Variants in SKA1 observed in about 807,000 individuals in gnomAD.
SKA1 encodes SKA complex subunit 1.
Under a neutral mutation model 31.8 loss-of-function variants are expected in SKA1, and 20 were observed. The ratio of observed to expected loss-of-function variants is 0.63; its 90% confidence interval spans 0.44 to 0.91. The LOEUF is 0.91. Among genes scored for constraint, SKA1 ranks in the 40% least tolerant of loss-of-function variants. The pLI is 0.00. For synonymous variants in SKA1, 88 were observed against 100.5 expected, an observed-to-expected ratio of 0.88 and a Z score of 0.74; for missense variants, 253 against 298.2, an observed-to-expected ratio of 0.85 and a Z score of 1.12.
At chr18:50,386,438 T>G (rs894181503) in intron 5 of SKA1, among the ~76,000 whole-genome samples, 5 of 152,188 alleles carry the variant, frequency 3.3e-5, no homozygotes, top group Admixed American at 3.3e-4. Flanking sequence ...TTTGTTAGAT[T>G]TACAGAAAAA....
intron 4 of SKA1, among the ~76,000 whole-genome samples, chr18:50,384,851 T>A (rs1599727990): frequency 2.0e-4 from 6 of 29,562 alleles, no homozygotes; most frequent in Admixed American, 5.0e-4. Context: ...AAACTTAGAG[T>A]ATAATAAAAA....
rs1169724618 is a variant in SKA1 at position 50,375,860 on chromosome 18, C to A, written c.30C>A (p.Cys10Ter). The A allele has an allele frequency of 1.9e-6, 3 of 1,611,098 alleles. No individual in the cohort carries two copies. Among genetic ancestry groups the A allele is most frequent in the East Asian group, 2.2e-5 (1 of 44,812 alleles). The change falls in exon 2 of 7, where the codon TGC (cysteine) becomes TGA (stop). Residue 10 changes from cysteine to a stop codon, truncating the protein, a stop_gained. Transcript: ENST00000285116. LOFTEE classifies it high-confidence loss of function. ...CCTCGTCAGATCTGGAACAATTATG[C>A]TCTCATGTTAATGAAAAGATTGGCA... MASSDLEQL[C>*]SHVNEKIGNI...
chr18:50,379,442 A>G (rs2041246709), intron 2 of SKA1, among the ~76,000 whole-genome samples: 1 of 152,116 alleles, frequency 6.6e-6, no homozygotes, highest in Admixed American at 6.5e-5. Context: ...ATTCTGAAAG[A>G]GAGTTTCACC....
chr18:50,385,354 G>C lies in SKA1; in HGVS notation c.449+1G>C. 6.3e-7 allele frequency: 1 copy of C among 1,597,090 alleles called. No homozygotes were observed. The highest frequency in any genetic ancestry group is 8.5e-7 in the Non-Finnish European group (1 of 1,172,378). On this transcript the variant is annotated splice_donor_variant, in intron 5 of 6. Coordinates refer to ENST00000285116, the MANE Select transcript of SKA1 (RefSeq NM_145060.4). LOFTEE classifies it high-confidence loss of function. The stretch of plus-strand genomic sequence containing the variant: ...GTGATGAGTTCAATGGTGTTCCTTC[G>C]TAAGTATTTAAGATAAATAATGTTC...
intron 2 of SKA1, 104 bp from the exon 3 acceptor site, chr18:50,380,022 C>A: frequency 1.0e-6 from 1 of 957,700 alleles, no homozygotes; most frequent in Non-Finnish European, 1.5e-6. Flanking sequence ...CCTTTTTCCA[C>A]CCCTCTCTAA....
intron 4 of SKA1, among the ~76,000 whole-genome samples, chr18:50,382,436 C>T (rs1014781241): frequency 1.3e-5 from 2 of 152,110 alleles, no homozygotes; most frequent in Admixed American, 1.3e-4. Context: ...CCCAGTTTGC[C>T]AAGGGCAAGT....
chr18:50,376,662 A>C (rs1474318309), intron 2 of SKA1, among the ~76,000 whole-genome samples: 1 of 152,192 alleles, frequency 6.6e-6, no homozygotes, highest in Non-Finnish European at 1.5e-5. Context: ...AACTTTCTTC[A>C]ATAATACATT....
intron 4 of SKA1, among the ~76,000 whole-genome samples, chr18:50,384,193 C>T (rs557371193): frequency 1.3e-5 from 2 of 152,164 alleles, no homozygotes; most frequent in Non-Finnish European, 2.9e-5. Context: ...TGTAATTTAC[C>T]ATTCAGATAA....
chr18:50,383,214 T>C (rs1023390247), intron 4 of SKA1, among the ~76,000 whole-genome samples: 1 of 152,170 alleles, frequency 6.6e-6, no homozygotes, highest in African/African-American at 2.4e-5. Flanking sequence ...TTGAAGGTCA[T>C]GAAGAGGTCA....
intron 2 of SKA1, 31 bp from the exon 3 acceptor site, chr18:50,380,095 T>G: frequency 6.8e-7 from 1 of 1,468,820 alleles, no homozygotes; most frequent in Non-Finnish European, 9.0e-7. Context: ...TCTATACACT[T>G]TGTTTTCTAT....
chr18:50,392,838 TC>T lies in SKA1; in HGVS notation c.*593del, dbSNP rs2041370394. 1 of 150,328 alleles carries T rather than the reference TC, an allele frequency of 6.7e-6. No homozygotes were observed. Among genetic ancestry groups the T allele is most frequent in the African/African-American group, 2.4e-5 (1 of 40,874 alleles). 9.3% of individuals were successfully genotyped at this position (150,328 alleles called of 1,614,324 possible). On this transcript the variant is annotated 3_prime_UTR_variant, in exon 7 of 7. Coordinates refer to ENST00000285116, the MANE Select transcript of SKA1 (RefSeq NM_145060.4). ...TCTGCCTCCCAGGTTCACGCCATCC[TC>T]CTGCCTCAGCCTCCTGAGTAGCTGG...
At chr18:50,381,722 G>GTT (rs1568328805) in intron 3 of SKA1, among the ~76,000 whole-genome samples, 1 of 125,880 alleles carries the variant, frequency 7.9e-6, no homozygotes, top group Non-Finnish European at 1.6e-5. Flanking sequence ...CAGTCAATGT[G>GTT]GTTTTTTTTT....
At chr18:50,381,446 G>A (rs1460861358) in intron 3 of SKA1, among the ~76,000 whole-genome samples, 1 of 152,148 alleles carries the variant, frequency 6.6e-6, no homozygotes, top group Non-Finnish European at 1.5e-5. Flanking sequence ...TAACACTGGG[G>A]AGCATTTGGT....
In SKA1 at chr18:50,385,216, T is replaced by C. The variant is rs760473845; in HGVS notation, c.312T>C (p.Cys104=). The change falls in exon 5 of 7, where the codon TGT becomes TGC. Residue 104 remains cysteine, a splice_region_variant and synonymous_variant. Transcript: ENST00000285116. ...HLPQVTVTQS[C]VKGSDLDPEE... ...ATGTATGTACATCTGTATTCTGTAGTGTTAAGGGATCAGATCTTGATCCTG... is the reference window on the plus strand; with the variant it reads ...ATGTATGTACATCTGTATTCTGTAGCGTTAAGGGATCAGATCTTGATCCTG... 4 of 1,611,274 alleles carry C rather than the reference T, an allele frequency of 2.5e-6. No individual in the cohort carries two copies. In the South Asian group the frequency reaches 4.4e-5, roughly 18 times the overall value.
chr18:50,383,034 A>AAAAT (rs146272081), intron 4 of SKA1, among the ~76,000 whole-genome samples: 2 of 151,818 alleles, frequency 1.3e-5, no homozygotes, highest in Non-Finnish European at 2.9e-5. Flanking sequence ...ACCCTGCCTC[A>AAAAT]AAATAAATAA....
Position 50,382,154 on chromosome 18 carries a change from A to G in SKA1, c.239A>G (p.Asp80Gly). 1 of 1,544,948 alleles carries G rather than the reference A, an allele frequency of 6.5e-7. No individual in the cohort carries two copies. Among genetic ancestry groups the G allele is most frequent in the South Asian group, 1.3e-5 (1 of 79,324 alleles). Residue 80 changes from aspartate (D) to glycine (G), a missense_variant, in exon 4 of 7, where the codon GAT becomes GGT. Coordinates refer to ENST00000285116, the MANE Select transcript of SKA1 (RefSeq NM_145060.4). ...LKELCESLEE[D>G]YKDIEHLKEN... ...GAACTCTGTGAATCTCTTGAAGAAG[A>G]TTACAAAGACATAGAACATCTTAAA...
In SKA1 at chr18:50,393,593, G is replaced by A. The variant is rs1185248350; in HGVS notation, c.*1346G>A. 6.6e-6 allele frequency: 1 copy of A among 152,134 alleles called. No homozygotes were observed. The highest frequency in any genetic ancestry group is 1.9e-4 in the East Asian group (1 of 5,190). The allele number at this position is 152,134 out of a possible 1,614,324, so 9.4% of individuals were successfully genotyped here. ...AACCTGTAATGAAAGTGTAATAAAT[G>A]TACATTGAGTTGATGTGATAATGTG... On this transcript the variant is annotated 3_prime_UTR_variant, in exon 7 of 7. Transcript: ENST00000285116.
chr18:50,386,703 G>A (rs1230009006), intron 5 of SKA1, among the ~76,000 whole-genome samples: 1 of 152,132 alleles, frequency 6.6e-6, no homozygotes, highest in Non-Finnish European at 1.5e-5. Context: ...AAGTTTCACT[G>A]TCCTAAAAGT....
chr18:50,388,126 C>T (rs897258333), intron 5 of SKA1, among the ~76,000 whole-genome samples: 12 of 152,128 alleles, frequency 7.9e-5, no homozygotes, highest in Admixed American at 3.9e-4. Context: ...CTTGCTCTGT[C>T]GCCCAGGCTG....
Sources: allele counts gnomAD v4.1 joint callset (sites outside exome capture counted in the v4.1 genomes callset), GRCh38; gene constraint gnomAD v4.1.1; transcripts MANE v1.5; gene names NCBI Gene and HGNC (gene_info 2026-07-23, HGNC 2026-07-21).